Variants in STXBP5L observed in about 807,000 individuals in gnomAD.
The protein encoded by STXBP5L is syntaxin binding protein 5L.
A neutral mutation model predicts 144.5 loss-of-function variants in STXBP5L; 65 were observed. The observed-to-expected ratio is 0.45, with a 90% confidence interval of 0.37 to 0.55. The LOEUF (loss-of-function observed/expected upper bound fraction) is 0.55. Ranked by LOEUF, STXBP5L falls within the 20% of genes least tolerant of loss-of-function variation. STXBP5L has a pLI of 0.00. For missense variants in STXBP5L, 1,298 were observed against 1,405.5 expected, an observed-to-expected ratio of 0.92 and a Z score of 1.22; for synonymous variants, 505 against 469.6, an observed-to-expected ratio of 1.08 and a Z score of -0.97.
chr3:121,323,828 G>A (rs774894844), intron 20 of STXBP5L, among the ~76,000 whole-genome samples: 11 of 152,006 alleles, frequency 7.2e-5, no homozygotes, highest in Non-Finnish European at 1.3e-4. Context: ...ATCAGCCCTA[G>A]CTTCACTTAC....
intron 2 of STXBP5L, among the ~76,000 whole-genome samples, chr3:120,936,229 T>A (rs184097126): frequency 1.3e-5 from 2 of 152,322 alleles, no homozygotes; most frequent in South Asian, 2.1e-4. Context: ...ATTTCTCTGC[T>A]TAAATTACCC....
intron 2 of STXBP5L, among the ~76,000 whole-genome samples, chr3:120,949,581 G>T (rs373166906): frequency 5.3e-5 from 8 of 151,866 alleles, no homozygotes; most frequent in African/African-American, 1.9e-4. Context: ...CCACCTTGAG[G>T]TGATTTTTGT....
intron 18 of STXBP5L, among the ~76,000 whole-genome samples, chr3:121,264,884 C>A (rs988876387): frequency 9.1e-4 from 135 of 147,992 alleles, no homozygotes; most frequent in Non-Finnish European, 1.7e-3. Flanking sequence ...AAAAGACAAA[C>A]AAGGGCATTA....
At chr3:121,059,462 G>C (rs1560073974) in intron 5 of STXBP5L, among the ~76,000 whole-genome samples, 1 of 151,906 alleles carries the variant, frequency 6.6e-6, no homozygotes, top group Non-Finnish European at 1.5e-5. Context: ...GTGGGTTCTT[G>C]TTTGGTTCTA....
chr3:121,040,952 A>G (rs1947105407), intron 3 of STXBP5L, among the ~76,000 whole-genome samples: 1 of 152,092 alleles, frequency 6.6e-6, no homozygotes, highest in Non-Finnish European at 1.5e-5. Context: ...ACTCTCATCT[A>G]ATTTGTATCT....
intron 20 of STXBP5L, among the ~76,000 whole-genome samples, chr3:121,344,216 A>T (rs1055792507): frequency 1.7e-4 from 26 of 152,136 alleles, no homozygotes; most frequent in Non-Finnish European, 3.1e-4. Context: ...CTGAAACTGG[A>T]TCCCTTCCTT....
chr3:121,005,812 C>T (rs1470921932), intron 3 of STXBP5L, among the ~76,000 whole-genome samples: 1 of 152,174 alleles, frequency 6.6e-6, no homozygotes, highest in Non-Finnish European at 1.5e-5. Context: ...GTCATGTACC[C>T]AGTAGTCATT....
intron 20 of STXBP5L, among the ~76,000 whole-genome samples, chr3:121,355,619 G>C (rs1227760882): frequency 6.6e-6 from 1 of 152,022 alleles, no homozygotes; most frequent in Non-Finnish European, 1.5e-5. Flanking sequence ...GCTTCCTTGT[G>C]ATGGGTTCTA....
chr3:121,160,420 TA>T (rs2046279279), intron 9 of STXBP5L, among the ~76,000 whole-genome samples: 2 of 152,168 alleles, frequency 1.3e-5, no homozygotes, highest in South Asian at 4.1e-4. Flanking sequence ...TACAAAAATT[TA>T]AAATAATACA....
intron 3 of STXBP5L, among the ~76,000 whole-genome samples, chr3:120,986,680 A>G (rs912271643): frequency 2.0e-5 from 3 of 151,986 alleles, no homozygotes; most frequent in Non-Finnish European, 4.4e-5. Flanking sequence ...TAACATGTTG[A>G]AAAAACTAAA....
chr3:121,182,207 T>G (rs940708986), intron 9 of STXBP5L, among the ~76,000 whole-genome samples: 3 of 152,168 alleles, frequency 2.0e-5, no homozygotes, highest in Non-Finnish European at 4.4e-5. Context: ...TCAACCCAAG[T>G]GCAGAATATA....
At chr3:121,354,548 A>G (rs1383108764) in intron 20 of STXBP5L, among the ~76,000 whole-genome samples, 7 of 68,348 alleles carry the variant, frequency 1.0e-4, no homozygotes, top group Non-Finnish European at 1.6e-4. Context: ...TGTGCTTTGT[A>G]GATCTTCCTC....
chr3:121,008,766 T>C (rs111741727), intron 3 of STXBP5L, among the ~76,000 whole-genome samples: 2 of 152,128 alleles, frequency 1.3e-5, no homozygotes, highest in Admixed American at 6.6e-5. Flanking sequence ...GGTCCTTTGG[T>C]TTGAGGCAAT....
At chr3:121,316,904 T>A (rs575512719) in intron 19 of STXBP5L, among the ~76,000 whole-genome samples, 1 of 152,316 alleles carries the variant, frequency 6.6e-6, no homozygotes, top group South Asian at 2.1e-4. Context: ...AGCCTCCTCC[T>A]CTTTATAACT....
intron 20 of STXBP5L, among the ~76,000 whole-genome samples, chr3:121,342,917 G>T (rs1290101218): frequency 6.7e-6 from 1 of 149,758 alleles, no homozygotes; most frequent in African/African-American, 2.5e-5. Context: ...CTGAGGAATC[G>T]CCACACTGAC....
At chr3:121,046,307 T>C (rs1309805184) in intron 5 of STXBP5L, among the ~76,000 whole-genome samples, 2 of 152,186 alleles carry the variant, frequency 1.3e-5, no homozygotes, top group African/African-American at 4.8e-5. Flanking sequence ...TCATCAAGGA[T>C]ATTGGCCTGA....
At chr3:121,200,674 G>A (rs546975900) in intron 9 of STXBP5L, among the ~76,000 whole-genome samples, 3 of 151,830 alleles carry the variant, frequency 2.0e-5, no homozygotes, top group East Asian at 1.9e-4. Context: ...TTCTGGGTTC[G>A]TTGTCTCTCT....
intron 20 of STXBP5L, among the ~76,000 whole-genome samples, chr3:121,347,480 C>T (rs1285044353): frequency 6.6e-6 from 1 of 152,020 alleles, no homozygotes; most frequent in East Asian, 1.9e-4. Flanking sequence ...GTAGTTTTTT[C>T]CAATTCTGTG....
At chr3:121,091,373 G>A (rs970362688) in intron 5 of STXBP5L, among the ~76,000 whole-genome samples, 1 of 150,228 alleles carries the variant, frequency 6.7e-6, no homozygotes, top group African/African-American at 2.5e-5. Context: ...CACAATGGTT[G>A]AACTAGTTTA....
Sources: gnomAD v4.1 joint callset for allele counts (sites outside exome capture counted in the v4.1 genomes callset) on GRCh38, gnomAD v4.1.1 for gene constraint, MANE v1.5 for transcripts, NCBI Gene and HGNC (gene_info 2026-07-23, HGNC 2026-07-21) for gene names.